Variants in ASB16 observed in about 807,000 individuals in gnomAD.
ASB16 encodes ankyrin repeat and SOCS box containing 16, also known as ankyrin repeat and SOCS box protein 16.
Under a neutral mutation model 39.1 loss-of-function variants are expected in ASB16, and 44 were observed. The ratio of observed to expected loss-of-function variants is 1.13; its 90% confidence interval spans 0.88 to 1.45. The LOEUF (loss-of-function observed/expected upper bound fraction) is 1.45. Among genes scored for constraint, ASB16 ranks in the 40% most tolerant of loss-of-function variants. The probability of loss-of-function intolerance (pLI) is 0.00; values close to 1 mark genes in which losing one functional copy is unlikely to be tolerated. For synonymous variants in ASB16, 305 were observed against 286.7 expected (o/e 1.06, Z -0.64); for missense variants, 698 against 634.5 (o/e 1.10, Z -1.07).
chr17:44,172,737 C>T (rs1294416527), intron 2 of ASB16, among the ~76,000 whole-genome samples: 2 of 109,012 alleles, frequency 1.8e-5, no homozygotes, highest in African/African-American at 1.0e-4. Flanking sequence ...ATGCCTCAGC[C>T]TCCCAAGTAG....
chr17:44,172,952 C>T (rs941961957), intron 2 of ASB16, among the ~76,000 whole-genome samples: 1 of 149,650 alleles, frequency 6.7e-6, no homozygotes, highest in Non-Finnish European at 1.5e-5. Context: ...TAAGAAAGAT[C>T]TGGCCAGGTG....
Position 44,178,597 on chromosome 17 carries a change from C to T in ASB16, c.*207C>T, listed in dbSNP as rs1189871934. The T allele has an allele frequency of 1.0e-5, 6 of 595,786 alleles. No individual in the cohort carries two copies. Among genetic ancestry groups the T allele is most frequent in the Non-Finnish European group, 1.5e-5 (5 of 343,236 alleles). The allele number at this position is 595,786 out of a possible 1,614,324, so 36.9% of individuals were successfully genotyped here. A position where few individuals can be genotyped will look rare whatever the true frequency, so the allele number is the denominator to read the frequency against. Reference sequence around the variant, plus strand: ...AAGCGATTCTTGTGCCCCAAACTTCCGAGTAGCTGGGACTACAGGCATGAG... The same window carrying T: ...AAGCGATTCTTGTGCCCCAAACTTCTGAGTAGCTGGGACTACAGGCATGAG... On this transcript the variant is annotated 3_prime_UTR_variant, in exon 5 of 5. Transcript: ENST00000293414.
At chr17:44,176,587 T>G in intron 2 of ASB16, 151 bp from the exon 3 acceptor site, 1 of 1,129,666 alleles carries the variant, frequency 8.9e-7, no homozygotes, top group Non-Finnish European at 1.3e-6. Context: ...TCCAATTCTG[T>G]TGTCTGTAGC....
chr17:44,172,356 T>C, intron 2 of ASB16, 43 bp downstream of exon 2: 1 of 1,588,376 alleles, frequency 6.3e-7, no homozygotes, highest in South Asian at 1.1e-5. Context: ...GAAATGTGTG[T>C]GTGTGTCTCC....
rs1328176792 is a variant in ASB16, at chr17:44,177,061, G to A, written c.893G>A (p.Gly298Asp). The A allele has an allele frequency of 6.1e-6, 9 of 1,472,730 alleles. No homozygotes were observed. Among genetic ancestry groups the A allele is most frequent in the Non-Finnish European group, 8.0e-6 (9 of 1,125,458 alleles). 91.2% of individuals were successfully genotyped at this position (1,472,730 alleles called of 1,614,324 possible). A position where few individuals can be genotyped will look rare whatever the true frequency, so the allele number is the denominator to read the frequency against. Residue 298 changes from glycine (G) to aspartate (D), a missense_variant, in exon 3 of 5, where the codon GGC (glycine) becomes GAC (aspartate). By Grantham distance (94) the Gly-to-Asp change is moderately conservative. Coordinates refer to ENST00000293414, the MANE Select transcript of ASB16 (RefSeq NM_080863.5). ...AACGCTTGTGCCAACGGCTGCGGGG[G>A]CCTGGCCGAGCTGCTGCTGCGTTAC... ...LHNACANGCG[G>D]LAELLLRYGA...
intron 2 of ASB16, among the ~76,000 whole-genome samples, chr17:44,174,037 ATTTTTTTTTT>A (rs1157730462): frequency 1.0e-4 from 12 of 114,716 alleles, no homozygotes; most frequent in African/African-American, 3.5e-4. Context: ...ACACCTGGCT[ATTTTTTTTTT>A]TTTTTTTTTT....
chr17:44,175,042 C>T (rs2054275334), intron 2 of ASB16, among the ~76,000 whole-genome samples: 1 of 147,318 alleles, frequency 6.8e-6, no homozygotes, highest in Middle Eastern at 3.3e-3. Flanking sequence ...GCAGAGACTG[C>T]AGTGAGCCAA....
At chr17:44,176,385 T>A in intron 2 of ASB16, 1 of 293,566 alleles carries the variant, frequency 3.4e-6, no homozygotes, top group Non-Finnish European at 6.4e-6. Context: ...AGGAGACAAC[T>A]GACAACTGAA....
At position 44,178,589 on chromosome 17, in the gene ASB16, C is replaced by T; in HGVS notation, c.*199C>T. 1 of 612,426 alleles carries T rather than the reference C, an allele frequency of 1.6e-6. No individual in the cohort carries two copies. The highest frequency in any genetic ancestry group is 2.8e-6 in the Non-Finnish European group (1 of 357,002). The allele number at this position is 612,426 out of a possible 1,614,324, so 37.9% of individuals were successfully genotyped here. A position where few individuals can be genotyped will look rare whatever the true frequency, so the allele number is the denominator to read the frequency against. ...CTAGGTTCAAGCGATTCTTGTGCCC[C>T]AAACTTCCGAGTAGCTGGGACTACA... On this transcript the variant is annotated 3_prime_UTR_variant, in exon 5 of 5. Transcript: ENST00000293414.
Position 44,178,485 on chromosome 17 carries a change from CTTTT to C in ASB16, c.*97_*100del. 5 of 1,311,582 alleles carry C rather than the reference CTTTT, an allele frequency of 3.8e-6. No individual in the cohort carries two copies. The highest frequency in any genetic ancestry group is 5.2e-6 in the Non-Finnish European group (5 of 969,564). 81.2% of individuals were successfully genotyped at this position (1,311,582 alleles called of 1,614,324 possible). ...CCAGTTCCTGGCCCTCTTTTCTTTT[CTTTT>C]TGAGACCTAGTCTCACTCTGTTGCC... On this transcript the variant is annotated 3_prime_UTR_variant, in exon 5 of 5. Coordinates refer to ENST00000293414, the MANE Select transcript of ASB16 (RefSeq NM_080863.5).
chr17:44,171,380 A>T (rs533459177), intron 1 of ASB16, among the ~76,000 whole-genome samples: 1 of 152,128 alleles, frequency 6.6e-6, no homozygotes, highest in African/African-American at 2.4e-5. Flanking sequence ...CCTGACCAAC[A>T]TGGTAAAACC....
chr17:44,173,769 C>CT (rs1364710437), intron 2 of ASB16, among the ~76,000 whole-genome samples: 1 of 152,104 alleles, frequency 6.6e-6, no homozygotes, highest in Non-Finnish European at 1.5e-5. Context: ...TATGATCATG[C>CT]TGCCACTGTA....
chr17:44,171,922 T>C, intron 1 of ASB16, 124 bp from the exon 2 acceptor site: 2 of 981,178 alleles, frequency 2.0e-6, no homozygotes, highest in Non-Finnish European at 1.5e-6. Flanking sequence ...AGCCTGGCAG[T>C]GTTTGTGCTC....
At chr17:44,174,028 C>T (rs1490141492) in intron 2 of ASB16, among the ~76,000 whole-genome samples, 1 of 149,132 alleles carries the variant, frequency 6.7e-6, no homozygotes, top group East Asian at 2.0e-4. Flanking sequence ...AGTGCTACCA[C>T]ACCTGGCTAT....
intron 1 of ASB16, 114 bp downstream of exon 1, chr17:44,171,204 T>A (rs959483418): frequency 2.8e-5 from 31 of 1,105,102 alleles, no homozygotes; most frequent in Admixed American, 8.4e-5. Context: ...AGCAGCCCTT[T>A]CCACCACCTA....
In ASB16 at chr17:44,170,852, G is replaced by A; in HGVS notation, c.63G>A (p.Glu21=). The change falls in exon 1 of 5, where the codon GAG becomes GAA. Residue 21 remains glutamate (E), a synonymous_variant. Coordinates refer to ENST00000293414, the MANE Select transcript of ASB16 (RefSeq NM_080863.5). ...SMLRSLRLQQ[E]WLEWEDRRRA... is the part of the protein sequence containing the mutation. The stretch of plus-strand genomic sequence containing the variant: ...TGCGCTCTCTCCGCCTGCAGCAGGA[G>A]TGGCTGGAATGGGAGGACCGGCGGC... 6.2e-7 allele frequency: 1 copy of A among 1,611,714 alleles called. No homozygotes were observed. The highest frequency in any genetic ancestry group is 8.5e-7 in the Non-Finnish European group (1 of 1,179,560).
chr17:44,178,135 A>G (rs1598125803), intron 4 of ASB16, 70 bp from the exon 5 acceptor site: 1 of 1,546,290 alleles, frequency 6.5e-7, no homozygotes, highest in African/African-American at 1.4e-5. Context: ...AAATCCCAGG[A>G]CCCCCACCGC....
rs1164946952 is a variant in ASB16, at chr17:44,178,500, TCTCA to T, written c.*114_*117del. On this transcript the variant is annotated 3_prime_UTR_variant, in exon 5 of 5. Coordinates refer to ENST00000293414, the MANE Select transcript of ASB16 (RefSeq NM_080863.5). ...CTTTTCTTTTCTTTTTGAGACCTAG[TCTCA>T]CTCTGTTGCCCAGGCTGGAGTGCAG... 3 of 1,198,668 alleles carry T rather than the reference TCTCA, an allele frequency of 2.5e-6. No individual in the cohort carries two copies. In the East Asian group the frequency reaches 7.8e-5, roughly 31 times the overall value. The allele number at this position is 1,198,668 out of a possible 1,614,324, so 74.3% of individuals were successfully genotyped here.
chr17:44,171,953 G>C, intron 1 of ASB16, 93 bp from the exon 2 acceptor site: 3 of 1,347,458 alleles, frequency 2.2e-6, no homozygotes, highest in Non-Finnish European at 3.1e-6. Flanking sequence ...GCAGAGGGAA[G>C]GCCAGTGTCA....
Sources: allele counts gnomAD v4.1 joint callset (sites outside exome capture counted in the v4.1 genomes callset), GRCh38; gene constraint gnomAD v4.1.1; transcripts MANE v1.5; gene names NCBI Gene and HGNC (gene_info 2026-07-23, HGNC 2026-07-21).